The following ADGRV1 variants were observed in gnomAD, a reference collection of about 807,000 sequenced individuals.
ADGRV1 encodes the protein adhesion G protein-coupled receptor V1, also known as G-protein coupled receptor 98.
In ADGRV1, 359 loss-of-function variants were observed where a neutral mutation model predicts 596.2. The ratio of observed to expected loss-of-function variants is 0.60; its 90% CI spans 0.55 to 0.66. The LOEUF is 0.66. Ranked by LOEUF, ADGRV1 falls within the 30% of genes least tolerant of loss-of-function variation. The probability of loss-of-function intolerance (pLI) is 0.00; values close to 1 mark genes in which losing one functional copy is unlikely to be tolerated. For synonymous variants in ADGRV1, 2,681 were observed against 2,679.2 expected, an observed-to-expected ratio of 1.00 and a Z score of -0.02; for missense variants, 7,274 against 7,575.6, an observed-to-expected ratio of 0.96 and a Z score of 1.48.
chr5:90,756,504 G>A lies in ADGRV1; in HGVS notation c.11631G>A (p.Val3877=), dbSNP rs769726069. The A allele has an allele frequency of 2.9e-5, 47 of 1,605,698 alleles. No individual in the cohort carries two copies. Among genetic ancestry groups the A allele is most frequent in the Non-Finnish European group, 8.5e-7 (1 of 1,175,598 alleles). The change falls in exon 56 of 90, where the codon GTG becomes GTA. Residue 3877 remains valine, a synonymous_variant. Coordinates refer to ENST00000405460, the MANE Select transcript of ADGRV1 (RefSeq NM_032119.4). ...GATTTATTGTCACTATCACTGAGGTGAACCTGGTGAACTCTGACTTCTCTA... is the reference window on the plus strand; with the variant it reads ...GATTTATTGTCACTATCACTGAGGTAAACCTGGTGAACTCTGACTTCTCTA... The part of the protein sequence containing the change: ...EEGFIVTITE[V]NLVNSDFSTG...
intron 83 of ADGRV1, among the ~76,000 whole-genome samples, chr5:90,866,385 T>A (rs1401040346): frequency 6.6e-6 from 1 of 151,136 alleles, no homozygotes; most frequent in Admixed American, 6.6e-5. Context: ...ATCCAAAGAT[T>A]ATTCCTGCTT....
intron 85 of ADGRV1, among the ~76,000 whole-genome samples, chr5:90,996,717 C>G (rs1018982113): frequency 3.9e-5 from 6 of 152,186 alleles, no homozygotes; most frequent in African/African-American, 1.4e-4. Flanking sequence ...AGCAGGCACT[C>G]AATGCCAGCC....
rs1027889901 is a variant in ADGRV1 at position 90,720,179 on chromosome 5, C to A, written c.9579C>A (p.Asn3193Lys). ...AAACCCTGATAACAGTTTTGCAAAA[C>A]CAGGCCCCTTTGGGGCTATTCAGTA... ...HVQTLITVLQNQAPLGLFSIS... is the reference protein window; with the variant it reads ...HVQTLITVLQKQAPLGLFSIS... The change falls in exon 44 of 90, where the codon AAC becomes AAA. Residue 3193 changes from asparagine to lysine, a missense_variant. Coordinates refer to ENST00000405460, the MANE Select transcript of ADGRV1 (RefSeq NM_032119.4). The A allele has an allele frequency of 5.0e-6, 8 of 1,607,460 alleles. No homozygotes were observed. The highest frequency in any genetic ancestry group is 6.8e-6 in the Non-Finnish European group (8 of 1,176,978).
intron 1 of ADGRV1, among the ~76,000 whole-genome samples, chr5:90,585,465 T>G (rs1411230822): frequency 6.6e-6 from 1 of 152,148 alleles, no homozygotes; most frequent in Non-Finnish European, 1.5e-5. Context: ...TAAGGAGGCC[T>G]AGGGTTGTAG....
At chr5:90,950,566 C>T (rs979116701) in intron 83 of ADGRV1, among the ~76,000 whole-genome samples, 1 of 152,152 alleles carries the variant, frequency 6.6e-6, no homozygotes, top group Admixed American at 6.5e-5. Context: ...AGGTGATCCA[C>T]CCACCTTGGC....
chr5:90,755,141 A>G lies in ADGRV1; in HGVS notation c.11536A>G (p.Lys3846Glu), dbSNP rs1371174023. 1.2e-6 allele frequency: 2 copies of G among 1,610,172 alleles called. No individual in the cohort carries two copies. Among genetic ancestry groups the G allele is most frequent in the Non-Finnish European group, 1.7e-6 (2 of 1,178,816 alleles). Reference sequence around the variant, plus strand: ...ATTGCAAGAAACAATAATAATAATGAAAGAAAACATAAAAGAAGCTCATGC... The same window carrying G: ...ATTGCAAGAAACAATAATAATAATGGAAGAAAACATAAAAGAAGCTCATGC... ...YVLQETIIIM[K>E]ENIKEAHAEV... is the part of the protein sequence containing the mutation. The change falls in exon 55 of 90, where the codon AAA (lysine) becomes GAA (glutamate). Residue 3846 changes from lysine to glutamate, a missense_variant. Coordinates refer to ENST00000405460, the MANE Select transcript of ADGRV1 (RefSeq NM_032119.4).
rs897164284 is a variant in ADGRV1 at position 91,155,208 on chromosome 5, A to G, written c.18802+1810A>G. 2.0e-5 allele frequency among the ~76,000 whole-genome samples: 3 copies of G among 152,242 alleles called. No individual in the cohort carries two copies. In the East Asian group the frequency reaches 5.8e-4, roughly 29 times the overall value. ...GTAATGGAGAGAGTTAAAAAATGAC[A>G]GAGGAGATGAAAAAGTAACAAAAAA... On this transcript the variant is annotated intron_variant, in intron 89 of 89. Coordinates refer to ENST00000405460, the MANE Select transcript of ADGRV1 (RefSeq NM_032119.4).
chr5:90,689,864 AAG>A lies in ADGRV1; in HGVS notation c.6496_6497del (p.Asp2166LeufsTer2). ...ATTTTACTTTTGGTCTTTTCAGGTG[AAG>A]ATTATAGTATAGCTTCATCAGATGT... is the stretch of plus-strand genomic sequence containing the variant. On this transcript the variant is annotated frameshift_variant, in exon 30 of 90. Transcript: ENST00000405460. LOFTEE classifies it high-confidence loss of function. The A allele has an allele frequency of 1.2e-6, 2 of 1,610,110 alleles. No homozygotes were observed. The highest frequency in any genetic ancestry group is 1.7e-6 in the Non-Finnish European group (2 of 1,177,394).
At chr5:91,004,017 A>T (rs1782060393) in intron 85 of ADGRV1, among the ~76,000 whole-genome samples, 2 of 152,160 alleles carry the variant, frequency 1.3e-5, no homozygotes, top group South Asian at 4.1e-4. Flanking sequence ...TTCAGATTAA[A>T]CATGCACTCA....
chr5:90,572,648 G>A (rs1440082721), intron 1 of ADGRV1, among the ~76,000 whole-genome samples: 12 of 152,080 alleles, frequency 7.9e-5, no homozygotes, highest in African/African-American at 1.9e-4. Flanking sequence ...GCACACGCAC[G>A]TGCACACACA....
chr5:90,583,685 A>G (rs1163598439), intron 1 of ADGRV1, among the ~76,000 whole-genome samples: 1 of 152,202 alleles, frequency 6.6e-6, no homozygotes, highest in African/African-American at 2.4e-5. Flanking sequence ...ATTACCTTGC[A>G]AATGGTAAAT....
chr5:90,989,043 T>A (rs1202002040), intron 85 of ADGRV1, among the ~76,000 whole-genome samples: 1 of 152,082 alleles, frequency 6.6e-6, no homozygotes, highest in Non-Finnish European at 1.5e-5. Flanking sequence ...TCTATCATTG[T>A]TGGACATTTG....
intron 87 of ADGRV1, among the ~76,000 whole-genome samples, chr5:91,147,469 G>A (rs921554364): frequency 6.6e-6 from 1 of 152,134 alleles, no homozygotes; most frequent in South Asian, 2.1e-4. Flanking sequence ...GATCATGGGG[G>A]CAGTTTATCC....
intron 21 of ADGRV1, among the ~76,000 whole-genome samples, chr5:90,668,590 A>G (rs967833560): frequency 1.3e-5 from 2 of 150,736 alleles, no homozygotes; most frequent in Non-Finnish European, 3.0e-5. Context: ...TCATGCTGGG[A>G]GCTGTAGACC....
intron 87 of ADGRV1, among the ~76,000 whole-genome samples, chr5:91,135,299 G>A (rs960298322): frequency 2.0e-5 from 3 of 151,860 alleles, no homozygotes; most frequent in Non-Finnish European, 4.4e-5. Context: ...ATACATTCCC[G>A]GGGGCTTTAA....
At chr5:90,779,303 T>C (rs1758599976) in intron 64 of ADGRV1, 2 of 372,382 alleles carry the variant, frequency 5.4e-6, no homozygotes, top group Admixed American at 4.1e-5. Context: ...ATAACTTCCC[T>C]CTGAAAATTG....
intron 9 of ADGRV1, among the ~76,000 whole-genome samples, chr5:90,630,990 GTA>G (rs1387990381): frequency 6.6e-6 from 1 of 152,092 alleles, no homozygotes; most frequent in Non-Finnish European, 1.5e-5. Flanking sequence ...TTTTGTTGTA[GTA>G]TATCTACCCT....
At chr5:90,778,810 G>A (rs1358501664) in intron 63 of ADGRV1, 55 bp from the exon 64 acceptor site, 11 of 1,393,048 alleles carry the variant, frequency 7.9e-6, no homozygotes, top group Non-Finnish European at 1.1e-5. Flanking sequence ...GTTACAGACA[G>A]TATTGTCTGG....
intron 70 of ADGRV1, among the ~76,000 whole-genome samples, chr5:90,797,227 A>G (rs1405824729): frequency 1.1e-4 from 16 of 150,066 alleles, no homozygotes; most frequent in Non-Finnish European, 8.9e-5. Context: ...TCTCATGTGC[A>G]GAGACACACA....
Sources: gnomAD v4.1 joint callset for allele counts (sites outside exome capture counted in the v4.1 genomes callset) on GRCh38, gnomAD v4.1.1 for gene constraint, MANE v1.5 for transcripts, NCBI Gene and HGNC (gene_info 2026-07-23, HGNC 2026-07-21) for gene names.